The following GRID2 variants were observed in gnomAD, a reference collection of about 807,000 sequenced individuals.
GRID2 encodes the protein glutamate receptor ionotropic, delta-2.
A neutral mutation model predicts 114.8 loss-of-function variants in GRID2; 33 were observed. The observed-to-expected ratio is 0.29, with a 90% confidence interval of 0.22 to 0.38. The LOEUF (loss-of-function observed/expected upper bound fraction) is 0.38. Ranked by LOEUF, GRID2 falls within the 10% of genes least tolerant of loss-of-function variation. GRID2 has a pLI of 1.00. For missense variants in GRID2, 1,184 were observed against 1,257.7 expected (o/e 0.94, Z 0.89); for synonymous variants, 505 against 449.9 (o/e 1.12, Z -1.55).
intron 2 of GRID2, among the ~76,000 whole-genome samples, chr4:92,782,489 C>G (rs1195190864): frequency 6.6e-6 from 1 of 152,032 alleles, no homozygotes; most frequent in Non-Finnish European, 1.5e-5. Flanking sequence ...AAATTCTTAT[C>G]TGAGAATTAA....
chr4:92,821,236 A>G (rs1741261188), intron 2 of GRID2, among the ~76,000 whole-genome samples: 1 of 152,198 alleles, frequency 6.6e-6, no homozygotes, highest in Non-Finnish European at 1.5e-5. Context: ...TAATTCCAAT[A>G]CAAAAATATG....
At chr4:93,544,670 G>A (rs575113359) in intron 13 of GRID2, among the ~76,000 whole-genome samples, 9 of 151,724 alleles carry the variant, frequency 5.9e-5, no homozygotes, top group South Asian at 4.2e-4. Flanking sequence ...CCAGTCACTC[G>A]GGAGGCTGAG....
At chr4:92,667,092 C>T (rs1431449089) in intron 2 of GRID2, among the ~76,000 whole-genome samples, 1 of 151,450 alleles carries the variant, frequency 6.6e-6, no homozygotes. Context: ...TGGCTGCTGT[C>T]GAGTTAAGAA....
At chr4:93,631,255 T>C (rs1385371720) in intron 14 of GRID2, among the ~76,000 whole-genome samples, 2 of 152,026 alleles carry the variant, frequency 1.3e-5, no homozygotes, top group African/African-American at 4.8e-5. Flanking sequence ...CTAGGGTACA[T>C]GTGCACAACG....
chr4:92,951,942 C>A (rs1752072057), intron 2 of GRID2, among the ~76,000 whole-genome samples: 1 of 152,094 alleles, frequency 6.6e-6, no homozygotes, highest in Non-Finnish European at 1.5e-5. Context: ...TATGCTATCT[C>A]ACCTAAGTCT....
chr4:92,997,411 T>C (rs924948192), intron 2 of GRID2, among the ~76,000 whole-genome samples: 3 of 152,188 alleles, frequency 2.0e-5, no homozygotes, highest in African/African-American at 7.2e-5. Context: ...GGGAGAGGGT[T>C]CCTCATAAGA....
At chr4:92,611,138 G>A (rs1181830849) in intron 2 of GRID2, among the ~76,000 whole-genome samples, 1 of 135,836 alleles carries the variant, frequency 7.4e-6, no homozygotes, top group African/African-American at 3.3e-5. Context: ...GTGCATGTGT[G>A]TGTGTGCATG....
rs567272935 is a variant in GRID2 at position 93,116,726 on chromosome 4, T to C, written c.735+5773T>C. On this transcript the variant is annotated intron_variant, in intron 4 of 15. Transcript: ENST00000282020. ...GTTTCCGGCCTTGCTGGGAAATATC[T>C]TGAAGTAACTTCTGAAGGAAGAGGG... Among the ~76,000 whole-genome samples, 3 of 151,954 alleles carry C rather than the reference T, an allele frequency of 2.0e-5. No homozygotes were observed. The East Asian group carries it at 5.8e-4, about 29-fold the overall frequency.
intron 2 of GRID2, among the ~76,000 whole-genome samples, chr4:92,972,600 AT>A (rs555442555): frequency 0.024 from 3,524 of 148,728 alleles, 58 homozygotes; most frequent in South Asian, 0.046. Flanking sequence ...CAGGAAAATA[AT>A]TTTTTTTTTT....
At chr4:92,710,240 A>G (rs183032014) in intron 2 of GRID2, among the ~76,000 whole-genome samples, 8 of 151,860 alleles carry the variant, frequency 5.3e-5, no homozygotes, top group African/African-American at 1.9e-4. Context: ...CTTTTTGTGT[A>G]TGTTATTTAA....
intron 9 of GRID2, among the ~76,000 whole-genome samples, chr4:93,408,367 TTTTC>T (rs989587095): frequency 1.8e-4 from 21 of 119,636 alleles, no homozygotes; most frequent in African/African-American, 5.3e-4. Context: ...CTAATGCTCA[TTTTC>T]TTTTTTTTTT....
chr4:93,151,367 C>T (rs1736726182), intron 4 of GRID2, among the ~76,000 whole-genome samples: 1 of 151,906 alleles, frequency 6.6e-6, no homozygotes, highest in African/African-American at 2.4e-5. Context: ...CTTTTCCATC[C>T]CCTTAACCTC....
intron 9 of GRID2, among the ~76,000 whole-genome samples, chr4:93,404,435 G>T (rs1457414963): frequency 6.6e-6 from 1 of 152,038 alleles, no homozygotes; most frequent in Non-Finnish European, 1.5e-5. Flanking sequence ...AGAGAGTCTG[G>T]TTCCCCAGAC....
chr4:92,692,618 G>A (rs1209215450), intron 2 of GRID2, among the ~76,000 whole-genome samples: 1 of 152,066 alleles, frequency 6.6e-6, no homozygotes, highest in Non-Finnish European at 1.5e-5. Context: ...CCAGTATTGG[G>A]AATGCTTTGA....
rs143456745 is a variant in GRID2 at position 93,279,912 on chromosome 4, T to G, written c.1245+41422T>G. 2.0e-5 allele frequency among the ~76,000 whole-genome samples: 3 copies of G among 152,122 alleles called. No individual in the cohort carries two copies. In the East Asian group the frequency reaches 5.8e-4, roughly 29 times the overall value. On this transcript the variant is annotated intron_variant, in intron 8 of 15. Transcript: ENST00000282020. ...AGTTTCCATTTTGAAGGGCATTGTATGCGAAACTGCGGAGTTTGGATTTTA... is the reference window on the plus strand; with the variant it reads ...AGTTTCCATTTTGAAGGGCATTGTAGGCGAAACTGCGGAGTTTGGATTTTA...
intron 2 of GRID2, among the ~76,000 whole-genome samples, chr4:92,654,488 G>T (rs1579776458): frequency 2.6e-5 from 4 of 152,008 alleles, no homozygotes; most frequent in Admixed American, 2.6e-4. Context: ...TTTGAAGAAG[G>T]TGACAAGTAG....
chr4:92,355,233 A>T (rs1728261751), intron 1 of GRID2, among the ~76,000 whole-genome samples: 1 of 151,908 alleles, frequency 6.6e-6, no homozygotes, highest in African/African-American at 2.4e-5. Flanking sequence ...CTAAAAAGAT[A>T]CATAGCTCAG....
chr4:93,128,892 G>A (rs1213308929), intron 4 of GRID2, among the ~76,000 whole-genome samples: 1 of 152,106 alleles, frequency 6.6e-6, no homozygotes, highest in Non-Finnish European at 1.5e-5. Flanking sequence ...CTTACGCTTT[G>A]CATTTCTGTA....
chr4:93,668,096 G>A (rs1207796060), intron 14 of GRID2, among the ~76,000 whole-genome samples: 4 of 151,892 alleles, frequency 2.6e-5, no homozygotes, highest in African/African-American at 9.7e-5. Flanking sequence ...TTATGCATTA[G>A]CTATGGCCAA....
Sources: allele counts gnomAD v4.1 joint callset (sites outside exome capture counted in the v4.1 genomes callset), GRCh38; gene constraint gnomAD v4.1.1; transcripts MANE v1.5; gene names NCBI Gene and HGNC (gene_info 2026-07-23, HGNC 2026-07-21).